Variants in KANTR observed in about 807,000 individuals in gnomAD.
KANTR encodes the protein KANTR integral membrane protein.
At chrX:53,133,985 T>C (rs1556817326) in intron 2 of KANTR, among the ~76,000 whole-genome samples, 1 of 111,703 alleles carries the variant, frequency 9.0e-6, no homozygotes, top group African/African-American at 3.3e-5. Flanking sequence ...GCAATACTGC[T>C]CCTTCCATAA....
At chrX:53,098,448 A>G (rs1260229137) in intron 1 of KANTR, among the ~76,000 whole-genome samples, 2 of 111,600 alleles carry the variant, frequency 1.8e-5, no homozygotes, top group African/African-American at 6.5e-5. Context: ...TTAAAATAAG[A>G]TATCAATGAA....
At chrX:53,143,937 G>A (rs113618147), downstream of KANTR, 5,811 of 329,969 alleles carry the variant, frequency 0.018, 295 homozygotes, top group African/African-American at 0.14. Flanking sequence ...AGAGCAGGGC[G>A]GTGGAGCCAT....
intron 2 of KANTR, among the ~76,000 whole-genome samples, chrX:53,107,302 C>CTTTTTTTGTT (rs1932966564): frequency 1.6e-5 from 1 of 61,659 alleles, no homozygotes; most frequent in Admixed American, 2.6e-4. Context: ...ATCCTCTTTG[C>CTTTTTTTGTT]TTTTTTTTTT....
intron 2 of KANTR, among the ~76,000 whole-genome samples, chrX:53,121,627 G>T (rs782074903): frequency 3.7e-4 from 39 of 105,536 alleles, no homozygotes; most frequent in African/African-American, 9.3e-4. Flanking sequence ...TTTGTTTTTG[G>T]TTTTTTTTTC....
At chrX:53,105,642 G>A (rs1243077651) in intron 2 of KANTR, among the ~76,000 whole-genome samples, 13 of 89,676 alleles carry the variant, frequency 1.4e-4, no homozygotes, top group African/African-American at 4.7e-4. Context: ...GGCACACAAC[G>A]ACACACCTGG....
chrX:53,133,029 C>T (rs1049723112), intron 2 of KANTR, among the ~76,000 whole-genome samples: 6 of 110,151 alleles, frequency 5.4e-5, no homozygotes, highest in African/African-American at 1.3e-4. Flanking sequence ...GTCGGGGAGT[C>T]GGGAGGAATG....
intron 2 of KANTR, among the ~76,000 whole-genome samples, chrX:53,137,658 A>C (rs1309303681): frequency 9.1e-6 from 1 of 109,510 alleles, no homozygotes; most frequent in Non-Finnish European, 1.9e-5. Flanking sequence ...AATCCCAGCT[A>C]CTCGGGAGGC....
intron 2 of KANTR, among the ~76,000 whole-genome samples, chrX:53,118,580 A>G (rs1227681283): frequency 1.8e-5 from 2 of 109,840 alleles, no homozygotes; most frequent in African/African-American, 6.6e-5. Context: ...GGGCAACATG[A>G]TGAAACCGCA....
intron 2 of KANTR, among the ~76,000 whole-genome samples, chrX:53,101,317 T>C (rs1932891084): frequency 8.9e-6 from 1 of 111,976 alleles, no homozygotes; most frequent in African/African-American, 3.2e-5. Flanking sequence ...AAGTGAGAGA[T>C]GTTGAAGGCC....
chrX:53,099,289 C>T (rs1346803661), intron 1 of KANTR, among the ~76,000 whole-genome samples, 183 bp from the exon 2 acceptor site: 1 of 111,263 alleles, frequency 9.0e-6, no homozygotes, highest in African/African-American at 3.3e-5. Flanking sequence ...AGGAGAATCC[C>T]TTGAACCTGG....
downstream of KANTR, among the ~76,000 whole-genome samples, chrX:53,146,674 T>G (rs1218013340): frequency 9.0e-6 from 1 of 111,245 alleles, no homozygotes; most frequent in African/African-American, 3.3e-5. Flanking sequence ...AATTGTCAGA[T>G]TCACCAAAGT....
At chrX:53,121,408 A>G (rs1556815488) in intron 2 of KANTR, among the ~76,000 whole-genome samples, 3 of 112,281 alleles carry the variant, frequency 2.7e-5, no homozygotes, top group South Asian at 3.7e-4. Flanking sequence ...ACTGTAGTAC[A>G]TTTATCAAAA....
chrX:53,104,897 C>G (rs1184217419), intron 2 of KANTR, among the ~76,000 whole-genome samples: 1 of 104,800 alleles, frequency 9.5e-6, no homozygotes. Flanking sequence ...TTTTTTTTTT[C>G]TTTTTGAGAC....
Position 53,103,409 on chromosome X carries a change from A to G in KANTR, c.-805+3801A>G, listed in dbSNP as rs370304261. On this transcript the variant is annotated intron_variant, in intron 2 of 2. Transcript: ENST00000604062. Reference sequence around the variant, plus strand: ...GTACTCCAACTCCAGCAATCCCTCAATCCCACTGGGACTGAACATTTTCAC... The same window carrying G: ...GTACTCCAACTCCAGCAATCCCTCAGTCCCACTGGGACTGAACATTTTCAC... 8.2e-5 allele frequency among the ~76,000 whole-genome samples: 9 copies of G among 110,407 alleles called. No individual in the cohort carries two copies. In the East Asian group the frequency reaches 2.0e-3, roughly 25 times the overall value.
chrX:53,119,050 T>C (rs1233161875), intron 2 of KANTR, among the ~76,000 whole-genome samples: 5 of 102,033 alleles, frequency 4.9e-5, no homozygotes, highest in Non-Finnish European at 6.0e-5. Context: ...CTTTCTTTTT[T>C]TTTTTTTTTT....
chrX:53,136,720 A>ATATATATATATATATATATATG (rs1933428947), intron 2 of KANTR, among the ~76,000 whole-genome samples: 1 of 41,169 alleles, frequency 2.4e-5, no homozygotes, highest in African/African-American at 6.3e-5. Flanking sequence ...ATATATATAT[A>ATATATATATATATATATATATG]TATATATATA....
intron 2 of KANTR, among the ~76,000 whole-genome samples, chrX:53,139,220 C>CAAAAAAAAAA (rs200871442): frequency 1.3e-5 from 1 of 79,849 alleles, no homozygotes; most frequent in African/African-American, 5.6e-5. Flanking sequence ...GACTCCGTCT[C>CAAAAAAAAAA]AAAAAAAAAA....
rs782145785 is a variant in KANTR at position 53,138,323 on chromosome X, C to T, written n.204-3525C>T. ...CCTCAGGTGATCCGCCCGCCTCAGC[C>T]TCCCAACAGGCGCGAGTCACCACGC... On this transcript the variant is annotated intron_variant and non_coding_transcript_variant, in intron 2 of 2. Coordinates refer to the KANTR transcript ENST00000366185. Among the ~76,000 whole-genome samples, 4 of 108,562 alleles carry T rather than the reference C, an allele frequency of 3.7e-5. No individual in the cohort carries two copies. In the South Asian group the frequency reaches 1.6e-3, roughly 44 times the overall value. 94.3% of individuals were successfully genotyped at this position (108,562 alleles called of 115,157 possible).
intron 2 of KANTR, among the ~76,000 whole-genome samples, chrX:53,100,219 G>A (rs1432584160): frequency 8.9e-6 from 1 of 112,047 alleles, no homozygotes; most frequent in African/African-American, 3.2e-5. Flanking sequence ...GGTGGCTCAC[G>A]CCTGTAATCT....
Sources: gnomAD v4.1 joint callset for allele counts (sites outside exome capture counted in the v4.1 genomes callset) on GRCh38, gnomAD v4.1.1 for gene constraint, MANE v1.5 for transcripts, NCBI Gene and HGNC (gene_info 2026-07-23, HGNC 2026-07-21) for gene names.